The following ZFP62 variants were observed in gnomAD, a reference collection of about 807,000 sequenced individuals.
The protein encoded by ZFP62 is ZFP62 zinc finger protein.
Under a neutral mutation model 56.4 loss-of-function variants are expected in ZFP62, and 44 were observed. The observed-to-expected ratio is 0.78, with a 90% CI of 0.61 to 1.00. The LOEUF (loss-of-function observed/expected upper bound fraction) is 1.00. Ranked by LOEUF, ZFP62 falls within the 50% of genes least tolerant of loss-of-function variation. The pLI, the probability that ZFP62 is intolerant of heterozygous loss-of-function variation, is 0.00. For missense variants in ZFP62, 1,030 were observed against 1,085.7 expected, an observed-to-expected ratio of 0.95 and a Z score of 0.72; for synonymous variants, 421 against 388.9, an observed-to-expected ratio of 1.08 and a Z score of -0.97.
chr5:180,853,314 A>G (rs996728217), intron 1 of ZFP62, among the ~76,000 whole-genome samples: 1 of 152,244 alleles, frequency 6.6e-6, no homozygotes, highest in Non-Finnish European at 1.5e-5. Flanking sequence ...AGTGAAAAAG[A>G]GTAATATACA....
chr5:180,841,768 A>T, the ZFP62 span, among the ~76,000 whole-genome samples: 1 of 152,234 alleles, frequency 6.6e-6, no homozygotes, highest in African/African-American at 2.4e-5. Context: ...TGAAAAAGGA[A>T]GAAGGTCCAG....
chr5:180,851,939 A>T, intron 1 of ZFP62: 1 of 836,504 alleles, frequency 1.2e-6, no homozygotes, highest in East Asian at 1.2e-4. Context: ...ATGAAAAGTT[A>T]GACAAAATCA....
At chr5:180,831,445 C>G in the ZFP62 span, 1 of 151,752 alleles carries the variant, frequency 6.6e-6, no homozygotes, top group Admixed American at 6.5e-5. Flanking sequence ...GAGTTTCGCT[C>G]TTTTTGCCCA....
At chr5:180,852,139 A>G (rs1773743382) in intron 1 of ZFP62, 2 of 464,148 alleles carry the variant, frequency 4.3e-6, no homozygotes, top group South Asian at 1.8e-4. Context: ...AATGGAATAG[A>G]ACAGGAAGTC....
chr5:180,852,990 T>C (rs766055531), intron 1 of ZFP62, among the ~76,000 whole-genome samples: 1 of 152,246 alleles, frequency 6.6e-6, no homozygotes. Flanking sequence ...CTGCTGGGAA[T>C]GCAAACTGGC....
chr5:180,850,182 TGAA>T lies in ZFP62; in HGVS notation c.1310_1312del (p.Leu437del). On this transcript the variant is annotated inframe_deletion, in exon 2 of 2. Transcript: ENST00000502412. ...CTCTCCGGTATGAATAGTTCTGTGT[TGAA>T]GAAGTAGTGAGTTATAACTAAAGGA... is the stretch of plus-strand genomic sequence containing the variant. 1 of 1,551,954 alleles carries T rather than the reference TGAA, an allele frequency of 6.4e-7. No individual in the cohort carries two copies.
chr5:180,842,224 G>A, the ZFP62 span, among the ~76,000 whole-genome samples: 7 of 152,206 alleles, frequency 4.6e-5, no homozygotes, highest in Non-Finnish European at 1.0e-4. Context: ...GGATGGAAAC[G>A]AGCACTTAAG....
chr5:180,850,922 G>A lies in ZFP62; in HGVS notation c.573C>T (p.His191=), dbSNP rs565038681. The change falls in exon 2 of 2, where the codon CAC becomes CAT. Residue 191 remains histidine, a synonymous_variant. Transcript: ENST00000502412. ...SSSLRVHKRI[H]TGEKPYKCEE... is the part of the protein sequence containing the mutation. ...CACACTTGTACGGCTTCTCCCCAGT[G>A]TGGATCCGTTTGTGGACCCGAAGGC... The A allele has an allele frequency of 6.4e-6, 10 of 1,563,334 alleles. No individual in the cohort carries two copies. The highest frequency in any genetic ancestry group is 1.9e-5 in the Admixed American group (1 of 52,008).
the ZFP62 span, among the ~76,000 whole-genome samples, chr5:180,841,190 T>G: frequency 1.3e-5 from 2 of 152,104 alleles, no homozygotes; most frequent in South Asian, 4.1e-4. Flanking sequence ...ATGAACTTGC[T>G]GGATAAGAGA....
In ZFP62 at chr5:180,858,257, CAAAAAA is replaced by C. The variant is rs1159409435; in HGVS notation, c.1+2956_1+2961del. ...GGGCAAGAAGAGTGAAACTCTGTCTCAAAAAAAAAAAAAAAAAAAAAGAAAAAAAGA... is the reference window on the plus strand; with the variant it reads ...GGGCAAGAAGAGTGAAACTCTGTCTCAAAAAAAAAAAAAAAGAAAAAAAGA... On this transcript the variant is annotated intron_variant, in intron 1 of 1. Transcript: ENST00000502412. Among the ~76,000 whole-genome samples, 4 of 40,270 alleles carry C rather than the reference CAAAAAA, an allele frequency of 9.9e-5. No homozygotes were observed. In the East Asian group the frequency reaches 4.5e-3, roughly 46 times the overall value. The allele number at this position is 40,270 out of a possible 152,430, so 26.4% of individuals were successfully genotyped here. A position where few individuals can be genotyped will look rare whatever the true frequency, so the allele number is the denominator to read the frequency against.
At chr5:180,843,227 G>C (rs948270318), downstream of ZFP62, among the ~76,000 whole-genome samples, 1 of 151,816 alleles carries the variant, frequency 6.6e-6, no homozygotes, top group African/African-American at 2.4e-5. Context: ...TGTCTAGGAC[G>C]AAGATAAAAG....
At chr5:180,832,237 A>G in the ZFP62 span, among the ~76,000 whole-genome samples, 1 of 152,118 alleles carries the variant, frequency 6.6e-6, no homozygotes, top group Non-Finnish European at 1.5e-5. Flanking sequence ...CTGCAGCCTC[A>G]ACCTTCCTGG....
chr5:180,829,523 C>G, the ZFP62 span, among the ~76,000 whole-genome samples: 1 of 152,218 alleles, frequency 6.6e-6, no homozygotes, highest in Non-Finnish European at 1.5e-5. Flanking sequence ...CTCTTTATTT[C>G]TCAGCCGGCC....
chr5:180,845,857 C>G, downstream of ZFP62: 1 of 985,488 alleles, frequency 1.0e-6, no homozygotes, highest in Non-Finnish European at 1.2e-6. Flanking sequence ...AGTACCGTTT[C>G]ACGCCCAGTG....
chr5:180,843,945 T>C (rs1433768359), downstream of ZFP62, among the ~76,000 whole-genome samples: 1 of 152,204 alleles, frequency 6.6e-6, no homozygotes, highest in Admixed American at 6.5e-5. Context: ...AAAATATAAC[T>C]AGGAAATTCC....
Position 180,849,938 on chromosome 5 carries a change from G to A in ZFP62, c.1557C>T (p.Ala519=), listed in dbSNP as rs568326172. The change falls in exon 2 of 2, where the codon GCC becomes GCT. Residue 519 remains alanine (A), a synonymous_variant. Coordinates refer to ENST00000502412, the MANE Select transcript of ZFP62 (RefSeq NM_001172638.2). ...YCEKSFNYSS[A]LEQHKRIHTR... The stretch of plus-strand genomic sequence containing the variant: ...TATGAATCCTTTTATGCTGTTCAAG[G>A]GCAGAGCTGTAGTTGAAGGATTTCT... 10 of 1,551,542 alleles carry A rather than the reference G, an allele frequency of 6.4e-6. 1 individual carries two copies. The South Asian group carries it at 1.2e-4, about 18-fold the overall frequency.
chr5:180,852,701 T>C (rs1342580080), intron 1 of ZFP62, among the ~76,000 whole-genome samples: 2 of 152,064 alleles, frequency 1.3e-5, no homozygotes, highest in African/African-American at 2.4e-5. Flanking sequence ...GGCCTGAGTA[T>C]AGAGGAAGCT....
At chr5:180,839,658 G>T in the ZFP62 span, among the ~76,000 whole-genome samples, 1 of 152,038 alleles carries the variant, frequency 6.6e-6, no homozygotes, top group South Asian at 2.1e-4. Context: ...ATTCCTATTG[G>T]GTACTATGCT....
intron 1 of ZFP62, among the ~76,000 whole-genome samples, chr5:180,858,618 A>G (rs925298066): frequency 6.6e-6 from 1 of 152,114 alleles, no homozygotes; most frequent in Non-Finnish European, 1.5e-5. Flanking sequence ...AAAAAAAAAG[A>G]AAGATCACTC....
Sources: allele counts gnomAD v4.1 joint callset (sites outside exome capture counted in the v4.1 genomes callset), GRCh38; gene constraint gnomAD v4.1.1; transcripts MANE v1.5; gene names NCBI Gene and HGNC (gene_info 2026-07-23, HGNC 2026-07-21).